The following MGST1 variants were observed in gnomAD, a reference collection of about 807,000 sequenced individuals.
MGST1 encodes microsomal glutathione S-transferase 1.
In MGST1, 5 loss-of-function variants were observed where a neutral mutation model predicts 8.9. That is an observed-to-expected ratio of 0.56 (90% confidence interval 0.29 to 1.19). The LOEUF (loss-of-function observed/expected upper bound fraction) is 1.19. Ranked by LOEUF, MGST1 falls within the 50% of genes most tolerant of loss-of-function variation. The pLI is 0.08. For missense variants in MGST1, 182 were observed against 187.4 expected, an observed-to-expected ratio of 0.97 and a Z score of 0.17; for synonymous variants, 54 against 67.8, an observed-to-expected ratio of 0.80 and a Z score of 1.00.
intron 4 of MGST1, among the ~76,000 whole-genome samples, chr12:16,469,715 G>A (rs1055908059): frequency 3.3e-5 from 5 of 152,226 alleles, no homozygotes; most frequent in African/African-American, 4.8e-5. Context: ...GTAAAATGAA[G>A]TCAGAATTGC....
At chr12:16,411,208 A>G (rs539144899) in intron 1 of MGST1, among the ~76,000 whole-genome samples, 10 of 152,304 alleles carry the variant, frequency 6.6e-5, no homozygotes, top group Non-Finnish European at 1.5e-4. Context: ...TCTAAGCTGC[A>G]TGAGGGCAGA....
At chr12:16,456,448 T>G (rs1167297560) in intron 4 of MGST1, among the ~76,000 whole-genome samples, 1 of 151,920 alleles carries the variant, frequency 6.6e-6, no homozygotes, top group Non-Finnish European at 1.5e-5. Context: ...AGCTATATCA[T>G]TAGCTCACAC....
intron 1 of MGST1, chr12:16,402,367 G>C: frequency 6.2e-7 from 1 of 1,603,566 alleles, no homozygotes; most frequent in African/African-American, 1.3e-5. Flanking sequence ...GCCAATTGCT[G>C]TACAGTCTCT....
At chr12:16,455,794 AGTTTAT>A (rs1941167384) in intron 4 of MGST1, among the ~76,000 whole-genome samples, 1 of 151,828 alleles carries the variant, frequency 6.6e-6, no homozygotes, top group African/African-American at 2.4e-5. Context: ...TTATTCCTAA[AGTTTAT>A]GTTTTGCAAT....
intron 4 of MGST1, among the ~76,000 whole-genome samples, chr12:16,475,488 A>T (rs775530346): frequency 6.6e-6 from 1 of 152,224 alleles, no homozygotes; most frequent in Admixed American, 6.5e-5. Flanking sequence ...GATCTCTTAC[A>T]TAGTTTCTTT....
At chr12:16,356,608 A>C (rs1251096903) in intron 2 of MGST1, among the ~76,000 whole-genome samples, 2 of 152,230 alleles carry the variant, frequency 1.3e-5, no homozygotes, top group Admixed American at 1.3e-4. Flanking sequence ...AAATAGTGGC[A>C]CATGCTTAAA....
At chr12:16,420,586 T>C (rs1940826637) in intron 1 of MGST1, among the ~76,000 whole-genome samples, 1 of 151,942 alleles carries the variant, frequency 6.6e-6, no homozygotes, top group Admixed American at 6.6e-5. Flanking sequence ...CAGAGCTGAG[T>C]TGTGATGCAA....
intron 1 of MGST1, among the ~76,000 whole-genome samples, chr12:16,432,169 T>C (rs936922630): frequency 1.4e-4 from 22 of 152,166 alleles, no homozygotes; most frequent in African/African-American, 4.8e-4. Flanking sequence ...CTGGCCGATA[T>C]TGTATGCTGG....
chr12:16,469,179 T>TTTTTTCC, intron 4 of MGST1, among the ~76,000 whole-genome samples: 1 of 1,742 alleles, frequency 5.7e-4, no homozygotes, highest in South Asian at 0.015. Context: ...GCTCTATTCC[T>TTTTTTCC]TTTTTTTTTT....
At chr12:16,593,253 T>C (rs767262382), downstream of MGST1, among the ~76,000 whole-genome samples, 2 of 151,898 alleles carry the variant, frequency 1.3e-5, no homozygotes, top group African/African-American at 4.8e-5. The surrounding 1 kb of genome is among the most constrained non-coding windows in gnomAD (Gnocchi z 4.2). Flanking sequence ...CTGCAAATAC[T>C]CTTTCAATTC....
intron 4 of MGST1, among the ~76,000 whole-genome samples, chr12:16,563,249 C>A (rs1002787307): frequency 2.0e-5 from 3 of 152,138 alleles, no homozygotes; most frequent in African/African-American, 7.2e-5. Context: ...ATTTGTTAGA[C>A]TTTTTCCTCA....
rs549694780 is a variant in MGST1 at position 16,362,668 on chromosome 12, C to T, written c.222-1127C>T. On this transcript the variant is annotated intron_variant, in intron 3 of 3. Transcript: ENST00000396210. The surrounding 1 kb of genome is among the most constrained non-coding windows in gnomAD (Gnocchi z 4.4). ...AAATTAAGTATTTTTAAAAATGTTG[C>T]TGGGCATGATGGCTTGCACCTATAA... 6.6e-6 allele frequency: 1 copy of T among 152,204 alleles called. No homozygotes were observed. The highest frequency in any genetic ancestry group is 2.1e-4 in the South Asian group (1 of 4,826). 9.4% of individuals were successfully genotyped at this position (152,204 alleles called of 1,614,324 possible).
chr12:16,549,842 T>C (rs940177634), intron 4 of MGST1: 1 of 152,128 alleles, frequency 6.6e-6, no homozygotes, highest in African/African-American at 2.4e-5. Context: ...ATAATTTCTC[T>C]TTCTAGAGCT....
At chr12:16,509,030 C>T (rs980643950) in intron 4 of MGST1, among the ~76,000 whole-genome samples, 3 of 152,116 alleles carry the variant, frequency 2.0e-5, no homozygotes, top group African/African-American at 4.8e-5. Flanking sequence ...CCATTTGCCT[C>T]ATTAACCATA....
intron 1 of MGST1, among the ~76,000 whole-genome samples, chr12:16,388,883 C>T (rs1160954210): frequency 6.6e-6 from 1 of 152,166 alleles, no homozygotes; most frequent in Admixed American, 6.5e-5. Context: ...TCCAGAACTC[C>T]TGCTCTAGGC....
At chr12:16,521,177 T>C (rs527272670) in intron 4 of MGST1, among the ~76,000 whole-genome samples, 79 of 152,194 alleles carry the variant, frequency 5.2e-4, no homozygotes, top group African/African-American at 1.9e-3. Flanking sequence ...AGCTGCTTTA[T>C]TTTTTCCTGT....
chr12:16,411,374 C>T (rs1047489010), intron 1 of MGST1, among the ~76,000 whole-genome samples: 4 of 152,078 alleles, frequency 2.6e-5, no homozygotes, highest in African/African-American at 9.7e-5. Flanking sequence ...GTGAAATCCT[C>T]TATAGAGAGT....
intron 1 of MGST1, chr12:16,402,310 C>G (rs1940662984): frequency 6.3e-7 from 1 of 1,594,680 alleles, no homozygotes; most frequent in African/African-American, 1.3e-5. Flanking sequence ...TCAACACCCA[C>G]TGATGCAACA....
intron 1 of MGST1, chr12:16,348,973 A>T (rs1410191558): frequency 6.6e-6 from 1 of 152,082 alleles, no homozygotes; most frequent in Non-Finnish European, 1.5e-5. Flanking sequence ...CACTCTCCCG[A>T]GAGGCACCAG....
Sources: gnomAD v4.1 joint callset for allele counts (sites outside exome capture counted in the v4.1 genomes callset) on GRCh38, gnomAD v4.1.1 for gene constraint, Gnocchi (gnomAD v3.1) non-coding constraint, MANE v1.5 for transcripts, NCBI Gene and HGNC (gene_info 2026-07-23, HGNC 2026-07-21) for gene names.